KCNQ1: variants seen among roughly 807,000 people sequenced by gnomAD.
KCNQ1 encodes potassium voltage-gated channel subfamily KQT member 1.
KCNQ1 carries 49 observed loss-of-function variants against 72.4 expected under a neutral mutation model. The ratio of observed to expected loss-of-function variants is 0.68; its 90% CI spans 0.54 to 0.86. The LOEUF is 0.86. Ranked by LOEUF, KCNQ1 falls within the 40% of genes least tolerant of loss-of-function variation. The pLI is 0.00. For missense variants in KCNQ1, 790 were observed against 945.1 expected, an observed-to-expected ratio of 0.84 and a Z score of 2.15; for synonymous variants, 450 against 412.6, an observed-to-expected ratio of 1.09 and a Z score of -1.10.
intron 15 of KCNQ1, among the ~76,000 whole-genome samples, chr11:2,814,627 GAA>G (rs1847577646): frequency 2.3e-4 from 1 of 4,370 alleles, no homozygotes; most frequent in African/African-American, 1.1e-3. Flanking sequence ...AGGAGACAAG[GAA>G]GGAAGGAAGG....
chr11:2,655,716 G>A, intron 10 of KCNQ1: 1 of 108,962 alleles, frequency 9.2e-6, no homozygotes. Context: ...TCTCCTAGAT[G>A]CCTGACCTGG....
chr11:2,771,014 G>A lies in KCNQ1; in HGVS notation c.1590+2095G>A, dbSNP rs116996706. Among the ~76,000 whole-genome samples the A allele has an allele frequency of 1.2e-3, 188 of 152,366 alleles. 2 individuals carry two copies. In the East Asian group the frequency reaches 0.029, roughly 23 times the overall value. On this transcript the variant is annotated intron_variant, in intron 12 of 15. Coordinates refer to ENST00000155840, the MANE Select transcript of KCNQ1 (RefSeq NM_000218.3). Reference sequence around the variant, plus strand: ...GGTCGTGACAGCCGAAGCAGCTGACGTCACCCCAGCAGTAGAGCAGAGGGA... The same window carrying A: ...GGTCGTGACAGCCGAAGCAGCTGACATCACCCCAGCAGTAGAGCAGAGGGA...
chr11:2,770,990 G>A (rs560739811), intron 12 of KCNQ1, among the ~76,000 whole-genome samples: 1 of 152,264 alleles, frequency 6.6e-6, no homozygotes, highest in Non-Finnish European at 1.5e-5. Context: ...GAACAGCATG[G>A]TCGTGACAGC....
At chr11:2,534,759 G>A (rs1046314640) in intron 2 of KCNQ1, among the ~76,000 whole-genome samples, 26 of 152,362 alleles carry the variant, frequency 1.7e-4, no homozygotes, top group African/African-American at 6.3e-4. Context: ...GCCACTCTGA[G>A]GCTTCAGAAC....
intron 15 of KCNQ1, among the ~76,000 whole-genome samples, chr11:2,843,893 C>G (rs1848262293): frequency 6.6e-6 from 1 of 152,182 alleles, no homozygotes; most frequent in African/African-American, 2.4e-5. Context: ...TCTGCCTTGC[C>G]TTTTAATCAC....
At chr11:2,527,127 C>T (rs757963519) in intron 1 of KCNQ1, among the ~76,000 whole-genome samples, 7 of 152,188 alleles carry the variant, frequency 4.6e-5, no homozygotes, top group Non-Finnish European at 8.8e-5. Flanking sequence ...TCTCTGCGGG[C>T]CCACAGGCCC....
rs183262755 is a variant in KCNQ1, at chr11:2,547,709, T to C, written c.477+19691T>C. Reference sequence around the variant, plus strand: ...TGACTCCATTTCCATCTTTTATAAGTTCAGACCCCCACAACCTTGGGTGGA... The same window carrying C: ...TGACTCCATTTCCATCTTTTATAAGCTCAGACCCCCACAACCTTGGGTGGA... On this transcript the variant is annotated intron_variant, in intron 2 of 15. Transcript: ENST00000155840. The surrounding 1 kb of genome is among the most constrained non-coding windows in gnomAD (Gnocchi z 4.2). Among the ~76,000 whole-genome samples, 21 of 152,304 alleles carry C rather than the reference T, an allele frequency of 1.4e-4. No individual in the cohort carries two copies. In the East Asian group the frequency reaches 2.5e-3, roughly 18 times the overall value.
At chr11:2,572,818 G>C in intron 5 of KCNQ1, 28 bp from the exon 6 acceptor site, 1 of 1,613,364 alleles carries the variant, frequency 6.2e-7, no homozygotes, top group South Asian at 1.1e-5. Context: ...GGTTCCTGGA[G>C]CCCGACACTG....
At position 2,764,843 on chromosome 11, in the gene KCNQ1, T is replaced by G. The variant is rs1846466143; in HGVS notation, c.1515-4001T>G. ...CTGCACCTCTAGGTCTATAGTGACA[T>G]TCCATCTTTAACTCCTGATGGCGGT... On this transcript the variant is annotated intron_variant, in intron 11 of 15. Transcript: ENST00000155840. This position sits in a 1 kb window ranked among gnomAD's most constrained non-coding sequence, Gnocchi z 4.8. Among the ~76,000 whole-genome samples, 1 of 152,218 alleles carries G rather than the reference T, an allele frequency of 6.6e-6. No individual in the cohort carries two copies. Among genetic ancestry groups the G allele is most frequent in the African/African-American group, 2.4e-5 (1 of 41,454 alleles).
chr11:2,699,317 A>C (rs1824153129), intron 11 of KCNQ1: 2 of 398,992 alleles, frequency 5.0e-6, no homozygotes, highest in Non-Finnish European at 8.8e-6. Flanking sequence ...GCCGCGGGGC[A>C]CACAGCTCAC....
chr11:2,804,231 G>A (rs937591765), intron 15 of KCNQ1, among the ~76,000 whole-genome samples: 1 of 152,144 alleles, frequency 6.6e-6, no homozygotes, highest in African/African-American at 2.4e-5. Flanking sequence ...CCACGTGCCT[G>A]CTCTCCACCG....
At chr11:2,646,673 G>A (rs1849671009) in intron 10 of KCNQ1, 2 of 398,436 alleles carry the variant, frequency 5.0e-6, no homozygotes, top group Admixed American at 8.8e-5. Context: ...TTCAGGTGCA[G>A]GCCACCACGC....
Position 2,732,128 on chromosome 11 carries a change from G to C in KCNQ1, c.1515-36716G>C, listed in dbSNP as rs181923194. On this transcript the variant is annotated intron_variant, in intron 11 of 15. Coordinates refer to ENST00000155840, the MANE Select transcript of KCNQ1 (RefSeq NM_000218.3). ...CAGGAGTGCCTGCGTGGTGGCCTCTGTCGACTCCATTTGCTCTGAAGCGGG... is the reference window on the plus strand; with the variant it reads ...CAGGAGTGCCTGCGTGGTGGCCTCTCTCGACTCCATTTGCTCTGAAGCGGG... 1.5e-3 allele frequency among the ~76,000 whole-genome samples: 236 copies of C among 152,346 alleles called. 3 individuals carry two copies. Among genetic ancestry groups the C allele is most frequent in the African/African-American group, 5.3e-3 (222 of 41,574 alleles).
At chr11:2,597,995 A>G (rs1848755365) in intron 10 of KCNQ1, among the ~76,000 whole-genome samples, 1 of 151,940 alleles carries the variant, frequency 6.6e-6, no homozygotes, top group African/African-American at 2.4e-5. Context: ...TGAGAAATTT[A>G]TGTTTTATTT....
chr11:2,835,257 C>T (rs1258243417), intron 15 of KCNQ1, among the ~76,000 whole-genome samples: 1 of 152,054 alleles, frequency 6.6e-6, no homozygotes, highest in Non-Finnish European at 1.5e-5. Flanking sequence ...TGGCCAGTGG[C>T]ACCTGGCTGT....
At chr11:2,733,034 A>T (rs1346362933) in intron 11 of KCNQ1, among the ~76,000 whole-genome samples, 3 of 152,100 alleles carry the variant, frequency 2.0e-5, no homozygotes, top group Admixed American at 6.5e-5. Flanking sequence ...GCCACACCTG[A>T]GCCCATCCTC....
intron 10 of KCNQ1, chr11:2,641,505 T>A: frequency 2.5e-6 from 1 of 398,444 alleles, no homozygotes. Flanking sequence ...TACTATTGAG[T>A]TATTGGAGTT....
Position 2,621,503 on chromosome 11 carries a change from T to A in KCNQ1, c.1393+32649T>A, listed in dbSNP as rs1302905982. 3 of 398,466 alleles carry A rather than the reference T, an allele frequency of 7.5e-6. No individual in the cohort carries two copies. The highest frequency in any genetic ancestry group is 6.2e-5 in the African/African-American group (3 of 48,638). The allele number at this position is 398,466 out of a possible 1,614,324, so 24.7% of individuals were successfully genotyped here. A position where few individuals can be genotyped will look rare whatever the true frequency, so the allele number is the denominator to read the frequency against. On this transcript the variant is annotated intron_variant, in intron 10 of 15. Transcript: ENST00000155840. The surrounding 1 kb of genome is among the most constrained non-coding windows in gnomAD (Gnocchi z 5.7). ...TTTCTCCCATTCTATATGTTGTCTG[T>A]TTACTCTGTTGATAATTTCTTTTGC...
chr11:2,533,447 A>T (rs1847674877), intron 2 of KCNQ1, among the ~76,000 whole-genome samples: 1 of 152,300 alleles, frequency 6.6e-6, no homozygotes, highest in South Asian at 2.1e-4. Flanking sequence ...GAGGGCCCCA[A>T]CCTGGCTTCT....
Sources: gnomAD v4.1 joint callset for allele counts (sites outside exome capture counted in the v4.1 genomes callset) on GRCh38, gnomAD v4.1.1 for gene constraint, Gnocchi (gnomAD v3.1) non-coding constraint, MANE v1.5 for transcripts, NCBI Gene and HGNC (gene_info 2026-07-23, HGNC 2026-07-21) for gene names.